Variants in PKM observed in about 807,000 individuals in gnomAD.
PKM encodes the protein pyruvate kinase PKM.
Under a neutral mutation model 49.8 loss-of-function variants are expected in PKM, and 18 were observed. The observed-to-expected ratio is 0.36, with a 90% CI of 0.25 to 0.54. The LOEUF (loss-of-function observed/expected upper bound fraction) is 0.54, where lower values mean the gene tolerates loss of function less well. Ranked by LOEUF, PKM falls within the 20% of genes least tolerant of loss-of-function variation. The pLI, the probability that PKM is intolerant of heterozygous loss-of-function variation, is 0.89. For missense variants in PKM, 508 were observed against 713.8 expected, an observed-to-expected ratio of 0.71 and a Z score of 3.28; for synonymous variants, 239 against 261.8, an observed-to-expected ratio of 0.91 and a Z score of 0.84.
rs2082096041 is a variant in PKM at position 72,206,885 on chromosome 15, G to A, written c.988-5C>T. The A allele has an allele frequency of 6.2e-7, 1 of 1,614,046 alleles. No individual in the cohort carries two copies. Among genetic ancestry groups the A allele is most frequent in the African/African-American group, 1.3e-5 (1 of 75,068 alleles). On this transcript the variant is annotated splice_region_variant and splice_polypyrimidine_tract_variant and intron_variant, in intron 7 of 10. Transcript: ENST00000335181. ...CTTGATCATGCTCTCCAGCATCTGG[G>A]AGGGGACAGAGCATTAGTGAGATGT...
rs184337179 is a variant in PKM at position 72,200,066 on chromosome 15, A to G, written c.1490-310T>C. Among the ~76,000 whole-genome samples the G allele has an allele frequency of 7.6e-4, 115 of 152,264 alleles. 1 individual carries two copies. The highest frequency in any genetic ancestry group is 3.4e-3 in the Middle Eastern group (1 of 294). On this transcript the variant is annotated intron_variant, in intron 10 of 10. Coordinates refer to ENST00000335181, the MANE Select transcript of PKM (RefSeq NM_002654.6). This position sits in a 1 kb window ranked among gnomAD's most constrained non-coding sequence, Gnocchi z 4.6. ...TGATACCCTACCTTATACAGGGACA[A>G]TGGCCACATCAGTACGTAATCTGTG...
chr15:72,224,841 G>T (rs530654974), intron 1 of PKM, among the ~76,000 whole-genome samples: 17 of 141,076 alleles, frequency 1.2e-4, no homozygotes, highest in Admixed American at 3.6e-4. Context: ...GCAACAGAGT[G>T]AAAAACTCTG....
intron 3 of PKM, 85 bp from the exon 4 acceptor site, chr15:72,210,563 A>C: frequency 6.6e-7 from 1 of 1,520,266 alleles, no homozygotes; most frequent in Non-Finnish European, 9.1e-7. Flanking sequence ...AAAGCTGATC[A>C]CTCAGGAAAG....
intron 4 of PKM, 161 bp from the exon 5 acceptor site, chr15:72,210,020 G>A (rs540027887): frequency 1.6e-5 from 11 of 694,668 alleles, no homozygotes; most frequent in South Asian, 1.1e-4. Flanking sequence ...TATACTTCAC[G>A]GAAATAATCC....
chr15:72,230,306 T>G (rs1312629237), intron 1 of PKM, among the ~76,000 whole-genome samples: 1 of 151,972 alleles, frequency 6.6e-6, no homozygotes, highest in African/African-American at 2.4e-5. Flanking sequence ...GGCCGCCGCA[T>G]CCCGCCCGCC....
At chr15:72,228,624 C>A (rs1366850242) in intron 1 of PKM, 1 of 1,285,618 alleles carries the variant, frequency 7.8e-7, no homozygotes, top group East Asian at 5.6e-5. Context: ...AAGGTTGAGT[C>A]ATCTTCCCCA....
chr15:72,200,947 G>A lies in PKM; in HGVS notation c.1308-292C>T. The A allele has an allele frequency of 2.7e-6, 1 of 376,220 alleles. No individual in the cohort carries two copies. Among genetic ancestry groups the A allele is most frequent in the Non-Finnish European group, 4.9e-6 (1 of 202,952 alleles). 23.3% of individuals were successfully genotyped at this position (376,220 alleles called of 1,614,324 possible). ...ACTTACCCCACACAGCCCATGGTTG[G>A]CAGAACCCCTCCTACACCCTGAACT... On this transcript the variant is annotated intron_variant, in intron 9 of 10. Coordinates refer to ENST00000335181, the MANE Select transcript of PKM (RefSeq NM_002654.6). This position sits in a 1 kb window ranked among gnomAD's most constrained non-coding sequence, Gnocchi z 4.6.
chr15:72,225,729 A>G (rs2140801926), intron 1 of PKM, among the ~76,000 whole-genome samples: 1 of 152,334 alleles, frequency 6.6e-6, no homozygotes, highest in African/African-American at 2.4e-5. Context: ...TCCACTGTAC[A>G]ACAGACCATT....
chr15:72,220,642 C>A (rs528892793), intron 1 of PKM, among the ~76,000 whole-genome samples: 1 of 152,150 alleles, frequency 6.6e-6, no homozygotes, highest in African/African-American at 2.4e-5. Context: ...TACTACGTAC[C>A]AAAATGAAAA....
At chr15:72,209,999 C>A in intron 4 of PKM, 140 bp from the exon 5 acceptor site, 1 of 771,704 alleles carries the variant, frequency 1.3e-6, no homozygotes, top group Admixed American at 1.9e-5. Flanking sequence ...TGCTCTTATT[C>A]TCTAACTCTG....
chr15:72,209,735 A>G lies in PKM; in HGVS notation c.503T>C (p.Val168Ala), dbSNP rs1191233491. 6.2e-7 allele frequency: 1 copy of G among 1,613,968 alleles called. No homozygotes were observed. Among genetic ancestry groups the G allele is most frequent in the South Asian group, 1.1e-5 (1 of 91,078 alleles). ...WLDYKNICKVVEVGSKIYVDD... is the reference protein window; with the variant it reads ...WLDYKNICKVAEVGSKIYVDD... Reference sequence around the variant, plus strand: ...CACGTAGATCTTGCTGCCCACTTCCACCACCTTGCAGATGTTCTTGTAGTC... The same window carrying G: ...CACGTAGATCTTGCTGCCCACTTCCGCCACCTTGCAGATGTTCTTGTAGTC... Residue 168 changes from valine to alanine, a missense_variant, in exon 5 of 11, where the codon GTG (valine) becomes GCG (alanine). Val to Ala is a moderately conservative substitution (Grantham distance 64). Transcript: ENST00000335181.
rs2081909570 is a variant in PKM, at chr15:72,200,302, A to C, written c.1489+172T>G. On this transcript the variant is annotated intron_variant, in intron 10 of 10. Transcript: ENST00000335181. The surrounding 1 kb of genome is among the most constrained non-coding windows in gnomAD (Gnocchi z 4.6). ...TCAGCTTAGGACTTCGGAGAATGAG[A>C]GATTCAGAATGAACATTCCCAATAA... Among the ~76,000 whole-genome samples, 1 of 152,150 alleles carries C rather than the reference A, an allele frequency of 6.6e-6. No individual in the cohort carries two copies. Among genetic ancestry groups the C allele is most frequent in the Non-Finnish European group, 1.5e-5 (1 of 68,028 alleles).
intron 3 of PKM, among the ~76,000 whole-genome samples, chr15:72,215,054 A>G (rs1220591949): frequency 6.6e-6 from 1 of 151,758 alleles, no homozygotes; most frequent in Non-Finnish European, 1.5e-5. Context: ...TAAAAAAATT[A>G]GCTGGGCGTG....
chr15:72,229,832 G>A (rs2082795704), intron 1 of PKM: 2 of 364,532 alleles, frequency 5.5e-6, no homozygotes, highest in South Asian at 8.0e-5. Flanking sequence ...TGCCCCCTCC[G>A]TAACCAGATC....
In PKM at chr15:72,202,414, A is replaced by C. The variant is rs2081966821; in HGVS notation, c.1307+40T>G. ...CCCAGGACCCCCAAGGTGAGGTACC[A>C]CTGAGCAGGGCATTCCAGGGAGCCG... On this transcript the variant is annotated intron_variant, in intron 9 of 10. Coordinates refer to ENST00000335181, the MANE Select transcript of PKM (RefSeq NM_002654.6). This position sits in a 1 kb window ranked among gnomAD's most constrained non-coding sequence, Gnocchi z 4.5. The C allele has an allele frequency of 6.3e-7, 1 of 1,594,998 alleles. No individual in the cohort carries two copies. Among genetic ancestry groups the C allele is most frequent in the Non-Finnish European group, 8.6e-7 (1 of 1,168,654 alleles).
At chr15:72,223,144 T>C (rs113856455) in intron 1 of PKM, among the ~76,000 whole-genome samples, 1,674 of 151,670 alleles carry the variant, frequency 0.011, 38 homozygotes, top group African/African-American at 0.039. Context: ...GCATCCCAAG[T>C]AGCTGGGACT....
At chr15:72,226,304 G>C (rs2082667031) in intron 1 of PKM, among the ~76,000 whole-genome samples, 1 of 152,144 alleles carries the variant, frequency 6.6e-6, no homozygotes, top group Non-Finnish European at 1.5e-5. Context: ...AAGACAGGTG[G>C]ATCACGAGGT....
intron 8 of PKM, 139 bp downstream of exon 8, chr15:72,206,589 T>A: frequency 2.4e-4 from 178 of 734,148 alleles, no homozygotes; most frequent in Non-Finnish European, 3.3e-4. Context: ...ACCCCCACCC[T>A]CTTGCTGCTG....
chr15:72,209,145 T>C (rs1214582128), intron 5 of PKM, among the ~76,000 whole-genome samples: 1 of 152,046 alleles, frequency 6.6e-6, no homozygotes, highest in East Asian at 1.9e-4. Context: ...GGCAGGCAGA[T>C]CACCTGAGGT....
Sources: gnomAD v4.1 joint callset for allele counts (sites outside exome capture counted in the v4.1 genomes callset) on GRCh38, gnomAD v4.1.1 for gene constraint, Gnocchi (gnomAD v3.1) non-coding constraint, MANE v1.5 for transcripts, NCBI Gene and HGNC (gene_info 2026-07-23, HGNC 2026-07-21) for gene names.